RBFOX1: variants seen among roughly 807,000 people sequenced by gnomAD.
The protein encoded by RBFOX1 is RNA binding protein fox-1 homolog 1.
In RBFOX1, 8 loss-of-function variants were observed where a neutral mutation model predicts 57.7. That is an observed-to-expected ratio of 0.14 (90% confidence interval 0.08 to 0.25). The LOEUF is 0.25. Ranked by LOEUF, RBFOX1 falls within the 10% of genes least tolerant of loss-of-function variation. RBFOX1 has a pLI of 1.00. For synonymous variants in RBFOX1, 326 were observed against 222.4 expected, an observed-to-expected ratio of 1.47 and a Z score of -4.15; for missense variants, 611 against 548.5, an observed-to-expected ratio of 1.11 and a Z score of -1.14.
intron 2 of RBFOX1, among the ~76,000 whole-genome samples, chr16:6,390,418 G>C (rs1047538755): frequency 1.3e-5 from 2 of 152,026 alleles, no homozygotes; most frequent in African/African-American, 4.8e-5. Context: ...TGTTAATGCA[G>C]GTATCAATTT....
At chr16:6,376,174 T>G (rs765478746) in intron 2 of RBFOX1, among the ~76,000 whole-genome samples, 19 of 152,184 alleles carry the variant, frequency 1.2e-4, no homozygotes, top group Non-Finnish European at 1.3e-4. Context: ...CTTTGACTGT[T>G]CTCTCTTTCC....
At chr16:6,866,905 A>G (rs1352549361) in intron 3 of RBFOX1, among the ~76,000 whole-genome samples, 1 of 152,068 alleles carries the variant, frequency 6.6e-6, no homozygotes, top group African/African-American at 2.4e-5. Context: ...CAAAGCATCA[A>G]GATAAGGAAA....
At chr16:5,358,182 G>A (rs1301640298) in intron 1 of RBFOX1, among the ~76,000 whole-genome samples, 1 of 152,030 alleles carries the variant, frequency 6.6e-6, no homozygotes. Context: ...TTGGGTTATA[G>A]ATGCATCACC....
chr16:5,774,042 C>G (rs1359451843), intron 3 of RBFOX1, among the ~76,000 whole-genome samples: 1 of 152,122 alleles, frequency 6.6e-6, no homozygotes, highest in Non-Finnish European at 1.5e-5. Context: ...CCACATAGGT[C>G]ATAGTCATTT....
chr16:7,653,817 C>T lies in RBFOX1; in HGVS notation c.760C>T (p.Pro254Ser). The T allele has an allele frequency of 6.2e-7, 1 of 1,608,144 alleles. No individual in the cohort carries two copies. Among genetic ancestry groups the T allele is most frequent in the Non-Finnish European group, 8.5e-7 (1 of 1,179,586 alleles). The change falls in exon 12 of 16, where the codon CCA (proline) becomes TCA (serine). Residue 254 changes from proline to serine, a missense_variant and splice_region_variant. By Grantham distance (74) the Pro-to-Ser change is moderately conservative. This residue lies in a region of RBFOX1 where 267 missense variants were observed against 229.1 expected (regional missense o/e 1.17). Transcript: ENST00000550418. Reference protein sequence around the residue: ...PSSLVYTSAMPGFPYPAATAA... With the variant: ...PSSLVYTSAMSGFPYPAATAA... Reference sequence around the variant, plus strand: ...CTCTCTCTCCTCTTGCCCCGCAGTGCCAGGCTTCCCGTATCCAGCAGCCAC... The same window carrying T: ...CTCTCTCTCCTCTTGCCCCGCAGTGTCAGGCTTCCCGTATCCAGCAGCCAC...
intron 3 of RBFOX1, among the ~76,000 whole-genome samples, chr16:6,892,777 T>TCC (rs1159358412): frequency 5.1e-4 from 11 of 21,444 alleles, no homozygotes; most frequent in African/African-American, 1.3e-3. Flanking sequence ...CCTGTCTCCC[T>TCC]CTCTCTCTCT....
chr16:7,286,295 C>A (rs1219089967), intron 4 of RBFOX1, among the ~76,000 whole-genome samples: 1 of 152,082 alleles, frequency 6.6e-6, no homozygotes, highest in Non-Finnish European at 1.5e-5. Flanking sequence ...TCATATCCTT[C>A]CACCTTCAGC....
intron 11 of RBFOX1, among the ~76,000 whole-genome samples, chr16:7,649,226 T>A (rs2064415967): frequency 6.6e-6 from 1 of 152,038 alleles, no homozygotes; most frequent in Non-Finnish European, 1.5e-5. Flanking sequence ...TAAAAAAAAA[T>A]AAGATCATGG....
At chr16:5,940,138 G>A (rs1484608314) in intron 4 of RBFOX1, among the ~76,000 whole-genome samples, 1 of 152,154 alleles carries the variant, frequency 6.6e-6, no homozygotes, top group African/African-American at 2.4e-5. Context: ...GGTCCCCTGA[G>A]ACCATGGGGA....
intron 4 of RBFOX1, among the ~76,000 whole-genome samples, chr16:5,908,918 A>G (rs1426868733): frequency 2.0e-5 from 3 of 152,030 alleles, no homozygotes; most frequent in East Asian, 1.9e-4. Context: ...GGACACAGCA[A>G]GAAGCTGGCT....
At chr16:6,246,784 G>A (rs1452061206) in intron 1 of RBFOX1, among the ~76,000 whole-genome samples, 1 of 152,150 alleles carries the variant, frequency 6.6e-6, no homozygotes, top group Non-Finnish European at 1.5e-5. Context: ...CCAGTCCATT[G>A]TAGGCTGGGC....
chr16:5,827,889 C>G (rs1831438406), intron 3 of RBFOX1, among the ~76,000 whole-genome samples: 1 of 149,334 alleles, frequency 6.7e-6, no homozygotes, highest in Non-Finnish European at 1.5e-5. Flanking sequence ...ATCCATCCAT[C>G]CATCCATCCA....
At chr16:7,244,120 T>G in intron 4 of RBFOX1, among the ~76,000 whole-genome samples, 1 of 151,962 alleles carries the variant, frequency 6.6e-6, no homozygotes. Flanking sequence ...TACAGCTCAA[T>G]CTTAAACAGC....
At position 7,693,285 on chromosome 16, in the gene RBFOX1, C is replaced by T. The variant is rs563785078; in HGVS notation, c.996-15771C>T. On this transcript the variant is annotated intron_variant, in intron 14 of 15. Coordinates refer to ENST00000550418, the MANE Select transcript of RBFOX1 (RefSeq NM_018723.4). ...GAGAGCACATTTCCCCCTGAGCGAG[C>T]AGTATTGTGAATTTTATCTTCTCTT... 31 of 1,604,464 alleles carry T rather than the reference C, an allele frequency of 1.9e-5. No homozygotes were observed. In the Admixed American group the frequency reaches 4.5e-4, roughly 23 times the overall value.
chr16:5,743,475 A>G (rs901716329), intron 3 of RBFOX1, among the ~76,000 whole-genome samples: 3 of 152,210 alleles, frequency 2.0e-5, no homozygotes, highest in African/African-American at 4.8e-5. Context: ...GTGCCGTTCA[A>G]TATGGGAGCC....
intron 4 of RBFOX1, among the ~76,000 whole-genome samples, chr16:5,933,689 C>G (rs1407965403): frequency 6.6e-6 from 1 of 152,032 alleles, no homozygotes; most frequent in African/African-American, 2.4e-5. Flanking sequence ...TTTCCAAAGC[C>G]CTGAAATACT....
chr16:7,445,855 G>C (rs948081781), intron 4 of RBFOX1, among the ~76,000 whole-genome samples: 8 of 152,120 alleles, frequency 5.3e-5, no homozygotes, highest in African/African-American at 1.7e-4. Flanking sequence ...CATTGAAGTG[G>C]GTTAATAAAT....
chr16:6,512,117 A>T (rs569796097), intron 2 of RBFOX1, among the ~76,000 whole-genome samples: 5 of 147,008 alleles, frequency 3.4e-5, no homozygotes, highest in African/African-American at 1.3e-4. Context: ...TACAAATAAA[A>T]TGAAAAAAAA....
At chr16:7,282,508 C>T (rs985859650) in intron 4 of RBFOX1, among the ~76,000 whole-genome samples, 2 of 151,900 alleles carry the variant, frequency 1.3e-5, no homozygotes, top group African/African-American at 4.8e-5. Context: ...GCCTTTTGCT[C>T]TTGCACCCTC....
Sources: gnomAD v4.1 joint callset for allele counts (sites outside exome capture counted in the v4.1 genomes callset) on GRCh38, gnomAD v4.1.1 for gene constraint, gnomAD v4.1.1 regional missense constraint, MANE v1.5 for transcripts, NCBI Gene and HGNC (gene_info 2026-07-23, HGNC 2026-07-21) for gene names.